Variants in PAN3 observed in about 807,000 individuals in gnomAD.
The protein encoded by PAN3 is PAN2-PAN3 deadenylation complex subunit PAN3.
In PAN3, 19 loss-of-function variants were observed where a neutral mutation model predicts 96.2. The observed-to-expected ratio is 0.20, with a 90% CI of 0.14 to 0.29. The LOEUF (loss-of-function observed/expected upper bound fraction) is 0.29. PAN3 is among the 10% of genes least tolerant of loss of function. PAN3 has a pLI of 1.00. For synonymous variants in PAN3, 433 were observed against 406.6 expected, an observed-to-expected ratio of 1.06 and a Z score of -0.78; for missense variants, 882 against 1,108.1, an observed-to-expected ratio of 0.80 and a Z score of 2.90.
intron 1 of PAN3, among the ~76,000 whole-genome samples, chr13:28,161,573 C>T (rs1298305937): frequency 6.6e-6 from 1 of 152,098 alleles, no homozygotes; most frequent in Non-Finnish European, 1.5e-5. Flanking sequence ...AAGACTTCAG[C>T]ATAGGAATGT....
chr13:28,176,376 C>T, intron 2 of PAN3, 117 bp from the exon 3 acceptor site: 3 of 873,962 alleles, frequency 3.4e-6, no homozygotes, highest in Non-Finnish European at 3.7e-6. Flanking sequence ...ATTAGATTGT[C>T]AGTAATGTGA....
rs1291020862 is a variant in PAN3, at chr13:28,220,521, A to G, written c.1000+143A>G. On this transcript the variant is annotated intron_variant, in intron 6 of 18. Transcript: ENST00000380958. Reference sequence around the variant, plus strand: ...GCTTTATGTTCTAGTTTTTGGTACCATAGGCCAAATGTGTAGTTGAGAATT... The same window carrying G: ...GCTTTATGTTCTAGTTTTTGGTACCGTAGGCCAAATGTGTAGTTGAGAATT... The G allele has an allele frequency of 2.8e-5, 27 of 980,508 alleles. No individual in the cohort carries two copies. In the Admixed American group the frequency reaches 6.9e-4, roughly 25 times the overall value. The allele number at this position is 980,508 out of a possible 1,614,324, so 60.7% of individuals were successfully genotyped here.
intron 4 of PAN3, among the ~76,000 whole-genome samples, chr13:28,194,464 A>G (rs1351323715): frequency 1.9e-5 from 2 of 106,702 alleles, no homozygotes; most frequent in Admixed American, 9.0e-5. Context: ...ATATATATAT[A>G]TATTTTTTTT....
intron 1 of PAN3, among the ~76,000 whole-genome samples, chr13:28,166,110 A>G (rs957161826): frequency 6.6e-6 from 1 of 152,210 alleles, no homozygotes; most frequent in Admixed American, 6.5e-5. Context: ...CACCAATTCA[A>G]AAGTCCAAAG....
intron 1 of PAN3, among the ~76,000 whole-genome samples, chr13:28,163,574 A>G (rs1199533941): frequency 6.6e-6 from 1 of 152,184 alleles, no homozygotes; most frequent in Admixed American, 6.5e-5. Context: ...TCATGCTCAT[A>G]TAGTATGTAA....
intron 1 of PAN3, among the ~76,000 whole-genome samples, chr13:28,147,873 GAT>G (rs1257195283): frequency 2.6e-5 from 4 of 152,038 alleles, no homozygotes; most frequent in South Asian, 4.1e-4. Context: ...TGTCTTTTCT[GAT>G]ACCTCTTTTG....
intron 9 of PAN3, among the ~76,000 whole-genome samples, chr13:28,265,239 T>G (rs1886061873): frequency 1.3e-5 from 2 of 152,222 alleles, no homozygotes; most frequent in South Asian, 4.1e-4. Context: ...TTTATTTTAT[T>G]TATTTATTTA....
chr13:28,197,242 G>A lies in PAN3; in HGVS notation c.748G>A (p.Ala250Thr). 1 of 1,613,504 alleles carries A rather than the reference G, an allele frequency of 6.2e-7. No homozygotes were observed. Among genetic ancestry groups the A allele is most frequent in the Non-Finnish European group, 8.5e-7 (1 of 1,179,748 alleles). Residue 250 changes from alanine to threonine, a missense_variant, in exon 5 of 19, where the codon GCA (alanine) becomes ACA (threonine). By Grantham distance (58) the Ala-to-Thr change is moderately conservative. Transcript: ENST00000380958. ...GAGGCTAGTTCCGATGGGATCAAAG[G>A]CACGAAAAGCAAAGAACCCTATTGG... ...EERLVPMGSK[A>T]RKAKNPIGCL...
intron 1 of PAN3, among the ~76,000 whole-genome samples, chr13:28,156,286 A>G (rs946565939): frequency 5.9e-5 from 9 of 152,200 alleles, no homozygotes; most frequent in Non-Finnish European, 8.8e-5. Context: ...GAACACCTCT[A>G]TGCATGTAGG....
chr13:28,258,281 C>T (rs1167054779), intron 7 of PAN3, among the ~76,000 whole-genome samples: 1 of 151,844 alleles, frequency 6.6e-6, no homozygotes. Flanking sequence ...CAGCTGAATT[C>T]GTTTTTAAAA....
chr13:28,238,927 C>A (rs1593537432), intron 6 of PAN3, among the ~76,000 whole-genome samples: 1 of 151,714 alleles, frequency 6.6e-6, no homozygotes, highest in Non-Finnish European at 1.5e-5. Flanking sequence ...TGGGTTTAGA[C>A]ATAATAAGGA....
chr13:28,143,804 A>T (rs1221069340), intron 1 of PAN3, among the ~76,000 whole-genome samples: 1 of 152,220 alleles, frequency 6.6e-6, no homozygotes, highest in East Asian at 1.9e-4. Flanking sequence ...GTGATTGTCC[A>T]AATGGAGGAG....
rs1364880470 is a variant in PAN3 at position 28,164,781 on chromosome 13, T to G, written c.431-9491T>G. Reference sequence around the variant, plus strand: ...GTATGATGTTTTTGGAGAATTAGACTCAATTCATTAAGAGGGGTTAAGTCT... The same window carrying G: ...GTATGATGTTTTTGGAGAATTAGACGCAATTCATTAAGAGGGGTTAAGTCT... On this transcript the variant is annotated intron_variant, in intron 1 of 18. Coordinates refer to ENST00000380958, the MANE Select transcript of PAN3 (RefSeq NM_175854.8). 1.3e-5 allele frequency among the ~76,000 whole-genome samples: 2 copies of G among 152,354 alleles called. 1 individual carries two copies. The highest frequency in any genetic ancestry group is 4.8e-5 in the African/African-American group (2 of 41,586).
intron 7 of PAN3, among the ~76,000 whole-genome samples, chr13:28,257,091 G>A (rs555296912): frequency 2.6e-5 from 4 of 152,214 alleles, no homozygotes; most frequent in South Asian, 2.1e-4. Context: ...TGTAGATGAC[G>A]AAAGAGCTAC....
At chr13:28,181,504 C>CA (rs894039087) in intron 4 of PAN3, among the ~76,000 whole-genome samples, 9,886 of 52,668 alleles carry the variant, frequency 0.19, 420 homozygotes, top group Non-Finnish European at 0.23. Flanking sequence ...AACCCTGTCT[C>CA]AAAAAAAAAA....
chr13:28,138,634 G>A lies in PAN3; in HGVS notation c.-24G>A, dbSNP rs1869116960. 1 of 541,048 alleles carries A rather than the reference G, an allele frequency of 1.8e-6. No homozygotes were observed. 33.5% of individuals were successfully genotyped at this position (541,048 alleles called of 1,614,324 possible). A position where few individuals can be genotyped will look rare whatever the true frequency, so the allele number is the denominator to read the frequency against. On this transcript the variant is annotated 5_prime_UTR_variant, in exon 1 of 19. Transcript: ENST00000380958. ...CGGCGGCGGCTCCTCGGGCGGCGGC[G>A]GAAGACGAGGCTGCGGCGTTGCCAT...
At position 28,170,451 on chromosome 13, in the gene PAN3, T is replaced by C. The variant is rs78984135; in HGVS notation, c.431-3821T>C. 6.9e-3 allele frequency among the ~76,000 whole-genome samples: 1,045 copies of C among 152,334 alleles called. 11 individuals carry two copies. The highest frequency in any genetic ancestry group is 0.024 in the African/African-American group (1,010 of 41,576). On this transcript the variant is annotated intron_variant, in intron 1 of 18. Transcript: ENST00000380958. ...TTCTATTAAGACAAGACATTGACCA[T>C]AGATATTTGAATTCTTGGCATGTTC...
intron 5 of PAN3, among the ~76,000 whole-genome samples, chr13:28,208,992 G>T (rs911767615): frequency 2.6e-5 from 4 of 152,070 alleles, no homozygotes; most frequent in African/African-American, 4.8e-5. Context: ...CTCACCACCC[G>T]CAGATACCAA....
intron 4 of PAN3, among the ~76,000 whole-genome samples, chr13:28,184,983 A>G (rs1401917283): frequency 3.9e-5 from 6 of 152,172 alleles, no homozygotes. Context: ...TGTTTCTCTC[A>G]TACTATGTTT....
Sources: gnomAD v4.1 joint callset for allele counts (sites outside exome capture counted in the v4.1 genomes callset) on GRCh38, gnomAD v4.1.1 for gene constraint, MANE v1.5 for transcripts, NCBI Gene and HGNC (gene_info 2026-07-23, HGNC 2026-07-21) for gene names.